Variants in CTNNA2 observed in about 807,000 individuals in gnomAD.
CTNNA2 encodes catenin alpha-2.
CTNNA2 carries 42 observed loss-of-function variants against 101.0 expected under a neutral mutation model. The observed-to-expected ratio is 0.42, with a 90% CI of 0.32 to 0.54. CTNNA2 has a LOEUF of 0.54. CTNNA2 is among the 20% of genes least tolerant of loss of function. The pLI, the probability that CTNNA2 is intolerant of heterozygous loss-of-function variation, is 0.14. For synonymous variants in CTNNA2, 450 were observed against 456.4 expected (o/e 0.99, Z 0.18); for missense variants, 871 against 1,223.1 (o/e 0.71, Z 4.29).
At chr2:80,092,320 T>G (rs1331549904) in intron 7 of CTNNA2, among the ~76,000 whole-genome samples, 1 of 152,144 alleles carries the variant, frequency 6.6e-6, no homozygotes, top group Non-Finnish European at 1.5e-5. Flanking sequence ...GTCAAAGAGA[T>G]AGCTCCCTTT....
chr2:80,030,883 A>C (rs1375061059), intron 7 of CTNNA2, among the ~76,000 whole-genome samples: 1 of 152,184 alleles, frequency 6.6e-6, no homozygotes, highest in Non-Finnish European at 1.5e-5. Flanking sequence ...TAGACATAAA[A>C]AAGTGGTCAA....
intron 2 of CTNNA2, among the ~76,000 whole-genome samples, chr2:79,262,743 A>T (rs1674939894): frequency 6.6e-6 from 1 of 152,200 alleles, no homozygotes; most frequent in African/African-American, 2.4e-5. Context: ...TCTGACACCT[A>T]CTGAGATTTG....
intron 7 of CTNNA2, among the ~76,000 whole-genome samples, chr2:79,970,055 T>C (rs1216019398): frequency 6.6e-6 from 1 of 152,192 alleles, no homozygotes; most frequent in East Asian, 1.9e-4. Flanking sequence ...GTTTAGATCC[T>C]TACAGTAAAT....
intron 18 of CTNNA2, among the ~76,000 whole-genome samples, chr2:80,628,041 C>T (rs866031671): frequency 6.6e-6 from 1 of 151,984 alleles, no homozygotes; most frequent in East Asian, 1.9e-4. Context: ...AAATACCTAG[C>T]AATACAACTT....
chr2:80,063,875 C>T (rs1276111963), intron 7 of CTNNA2, among the ~76,000 whole-genome samples: 4 of 152,126 alleles, frequency 2.6e-5, no homozygotes, highest in African/African-American at 7.2e-5. Context: ...CTCTACCCAC[C>T]CCTAGTTATT....
intron 2 of CTNNA2, among the ~76,000 whole-genome samples, chr2:79,249,746 A>G (rs918698623): frequency 2.0e-5 from 3 of 152,152 alleles, no homozygotes; most frequent in Non-Finnish European, 4.4e-5. Context: ...TTCCATACAG[A>G]GAATTAGACC....
intron 5 of CTNNA2, among the ~76,000 whole-genome samples, chr2:79,506,451 C>A (rs1221347811): frequency 6.6e-6 from 1 of 152,082 alleles, no homozygotes; most frequent in African/African-American, 2.4e-5. Flanking sequence ...TGGAGTCAGA[C>A]TGCATAGGCT....
intron 13 of CTNNA2, among the ~76,000 whole-genome samples, chr2:80,578,045 T>G (rs1695211208): frequency 6.6e-6 from 1 of 152,152 alleles, no homozygotes; most frequent in Admixed American, 6.5e-5. Context: ...TGCAGAGGAA[T>G]AGAGCACCAG....
chr2:80,099,855 TA>T (rs911112275), intron 7 of CTNNA2, among the ~76,000 whole-genome samples: 1 of 152,116 alleles, frequency 6.6e-6, no homozygotes, highest in South Asian at 2.1e-4. Flanking sequence ...AGAGAGACAG[TA>T]AAAAATCATA....
At chr2:80,274,426 G>C (rs573100776) in intron 7 of CTNNA2, among the ~76,000 whole-genome samples, 1 of 152,284 alleles carries the variant, frequency 6.6e-6, no homozygotes, top group African/African-American at 2.4e-5. Context: ...TAAAAGCCCA[G>C]TTCGCTCTGG....
chr2:79,304,107 T>C (rs1266020886), intron 2 of CTNNA2, among the ~76,000 whole-genome samples: 1 of 152,086 alleles, frequency 6.6e-6, no homozygotes, highest in East Asian at 1.9e-4. Flanking sequence ...AGCTGTCCTT[T>C]ACGGATGTGG....
chr2:79,962,903 C>T (rs1689748494), intron 7 of CTNNA2, among the ~76,000 whole-genome samples: 2 of 152,008 alleles, frequency 1.3e-5, no homozygotes, highest in African/African-American at 2.4e-5. Context: ...AACCCCGTCT[C>T]TACTAAAAAT....
At chr2:79,393,625 A>C (rs1323545485) in intron 4 of CTNNA2, among the ~76,000 whole-genome samples, 1 of 113,284 alleles carries the variant, frequency 8.8e-6, no homozygotes, top group African/African-American at 3.8e-5. Context: ...AGATGTTCAC[A>C]GAGAAAAAAA....
At chr2:79,591,065 G>A (rs1252180976) in intron 1 of CTNNA2, among the ~76,000 whole-genome samples, 5 of 152,052 alleles carry the variant, frequency 3.3e-5, no homozygotes, top group Non-Finnish European at 7.4e-5. Context: ...CTTTATGTTG[G>A]TGTACAAATT....
chr2:79,580,383 C>T (rs369570882), intron 1 of CTNNA2, among the ~76,000 whole-genome samples: 10 of 152,172 alleles, frequency 6.6e-5, no homozygotes, highest in African/African-American at 1.9e-4. Flanking sequence ...TGGTGGAAGC[C>T]GGAATGACTC....
At chr2:79,872,361 AT>A (rs1682656860) in intron 5 of CTNNA2, among the ~76,000 whole-genome samples, 1 of 151,982 alleles carries the variant, frequency 6.6e-6, no homozygotes, top group South Asian at 2.1e-4. Context: ...TCACTTCTGT[AT>A]TTAGATCTAT....
chr2:80,485,667 T>G (rs1686514606), intron 9 of CTNNA2, among the ~76,000 whole-genome samples: 1 of 152,182 alleles, frequency 6.6e-6, no homozygotes, highest in African/African-American at 2.4e-5. Context: ...ATTAAAAAAT[T>G]GAAACATTTT....
chr2:79,590,749 G>A (rs2103979543), intron 1 of CTNNA2, among the ~76,000 whole-genome samples: 1 of 152,084 alleles, frequency 6.6e-6, no homozygotes, highest in Non-Finnish European at 1.5e-5. Context: ...AATAAACATT[G>A]TTGTCTTGCA....
At chr2:80,230,851 A>G (rs1483751340) in intron 7 of CTNNA2, among the ~76,000 whole-genome samples, 1 of 152,200 alleles carries the variant, frequency 6.6e-6, no homozygotes. Flanking sequence ...GCCAATAAAG[A>G]TTCTCATTCT....
Sources: gnomAD v4.1 joint callset for allele counts (sites outside exome capture counted in the v4.1 genomes callset) on GRCh38, gnomAD v4.1.1 for gene constraint, MANE v1.5 for transcripts, NCBI Gene and HGNC (gene_info 2026-07-23, HGNC 2026-07-21) for gene names.